The following ADARB2 variants were observed in gnomAD, a reference collection of about 807,000 sequenced individuals.
ADARB2 encodes inactive double-stranded RNA-specific editase B2.
A neutral mutation model predicts 62.2 loss-of-function variants in ADARB2; 25 were observed. The ratio of observed to expected loss-of-function variants is 0.40; its 90% confidence interval spans 0.29 to 0.56. The LOEUF (loss-of-function observed/expected upper bound fraction) is 0.56. ADARB2 is among the 20% of genes least tolerant of loss of function. The pLI, the probability that ADARB2 is intolerant of heterozygous loss-of-function variation, is 0.43. For missense variants in ADARB2, 1,071 were observed against 1,077.4 expected (o/e 0.99, Z 0.08); for synonymous variants, 572 against 500.8 (o/e 1.14, Z -1.90).
At chr10:1,648,991 G>A (rs368276454) in intron 1 of ADARB2, among the ~76,000 whole-genome samples, 2 of 152,160 alleles carry the variant, frequency 1.3e-5, no homozygotes, top group Admixed American at 6.5e-5. Context: ...CACAGTTTGC[G>A]GTGATAATAA....
chr10:1,682,902 C>T (rs116167724), intron 1 of ADARB2, among the ~76,000 whole-genome samples: 1,921 of 152,216 alleles, frequency 0.013, 42 homozygotes, highest in African/African-American at 0.044. Context: ...AGTGAGAGGC[C>T]GCAAAGCCCA....
intron 6 of ADARB2, among the ~76,000 whole-genome samples, chr10:1,226,726 A>T (rs887184274): frequency 6.6e-6 from 1 of 152,192 alleles, no homozygotes; most frequent in Non-Finnish European, 1.5e-5. Flanking sequence ...AGAACAGCAG[A>T]TATTGGTGAA....
At chr10:1,225,872 C>G (rs929667440) in intron 6 of ADARB2, among the ~76,000 whole-genome samples, 1 of 152,070 alleles carries the variant, frequency 6.6e-6, no homozygotes, top group African/African-American at 2.4e-5. Context: ...TTTGGTGAAT[C>G]TGACAATTAT....
At chr10:1,199,921 G>C in intron 8 of ADARB2, 45 bp downstream of exon 8, 2 of 1,467,148 alleles carry the variant, frequency 1.4e-6, no homozygotes, top group Non-Finnish European at 1.8e-6. Context: ...TGTCTGGCCT[G>C]GTGGTGGGAA....
chr10:1,321,808 C>G (rs2131827940), intron 3 of ADARB2, among the ~76,000 whole-genome samples: 1 of 152,268 alleles, frequency 6.6e-6, no homozygotes. Flanking sequence ...GCCCTGTACT[C>G]TAATGTAGAA....
intron 1 of ADARB2, among the ~76,000 whole-genome samples, chr10:1,591,731 G>C (rs1291919404): frequency 2.6e-5 from 4 of 152,110 alleles, no homozygotes; most frequent in Non-Finnish European, 5.9e-5. Context: ...GGACGAGGTG[G>C]CAGATTGTGT....
intron 1 of ADARB2, among the ~76,000 whole-genome samples, chr10:1,599,278 G>C (rs1415634588): frequency 1.3e-5 from 2 of 152,156 alleles, no homozygotes; most frequent in African/African-American, 4.8e-5. Context: ...CTATGACCAG[G>C]GACTGACCCA....
At chr10:1,540,287 G>A (rs1373459419) in intron 1 of ADARB2, among the ~76,000 whole-genome samples, 2 of 152,136 alleles carry the variant, frequency 1.3e-5, no homozygotes, top group South Asian at 2.1e-4. Flanking sequence ...GGTGGCCAAC[G>A]TGGTCAGGAG....
intron 1 of ADARB2, among the ~76,000 whole-genome samples, chr10:1,556,093 A>G (rs79113184): frequency 0.016 from 2,480 of 152,164 alleles, 68 homozygotes; most frequent in African/African-American, 0.055. Context: ...GAATCCTTCA[A>G]TTCCTCACAC....
intron 3 of ADARB2, among the ~76,000 whole-genome samples, chr10:1,315,258 C>G (rs1271071993): frequency 6.6e-6 from 1 of 152,180 alleles, no homozygotes; most frequent in Non-Finnish European, 1.5e-5. Context: ...CTGCAGGTGA[C>G]AGGGTGAGGG....
intron 7 of ADARB2, among the ~76,000 whole-genome samples, chr10:1,212,945 A>G (rs1028125404): frequency 6.6e-6 from 1 of 152,170 alleles, no homozygotes; most frequent in African/African-American, 2.4e-5. Flanking sequence ...GCAGAAGCAG[A>G]CAGTACCTGG....
intron 7 of ADARB2, among the ~76,000 whole-genome samples, chr10:1,200,608 AAAT>A (rs2131742439): frequency 6.6e-6 from 1 of 152,202 alleles, no homozygotes; most frequent in Admixed American, 6.5e-5. Flanking sequence ...TTACATTAAC[AAAT>A]GACCTTGTTT....
In ADARB2 at chr10:1,689,788, A is replaced by C. The variant is rs1413082061; in HGVS notation, c.100+47263T>G. On this transcript the variant is annotated intron_variant, in intron 1 of 9. Transcript: ENST00000381312. ...GTGCAAATATATGAGCCATTTGCTA[A>C]GATGGACTTGTTGGGCTAGAGATAC... Among the ~76,000 whole-genome samples the C allele has an allele frequency of 2.6e-5, 4 of 152,230 alleles. No homozygotes were observed. The East Asian group carries it at 7.7e-4, about 29-fold the overall frequency.
At chr10:1,206,062 C>T (rs1362412636) in intron 7 of ADARB2, among the ~76,000 whole-genome samples, 3 of 152,194 alleles carry the variant, frequency 2.0e-5, no homozygotes, top group African/African-American at 4.8e-5. Flanking sequence ...CAGCCGCTTC[C>T]GATTATTTTC....
intron 1 of ADARB2, among the ~76,000 whole-genome samples, chr10:1,567,960 C>G (rs1455836553): frequency 1.3e-5 from 2 of 152,230 alleles, no homozygotes; most frequent in African/African-American, 2.4e-5. Flanking sequence ...GTTGATGGCA[C>G]GGCATCACCC....
chr10:1,687,520 A>C (rs1834611886), intron 1 of ADARB2, among the ~76,000 whole-genome samples: 1 of 152,088 alleles, frequency 6.6e-6, no homozygotes, highest in African/African-American at 2.4e-5. Context: ...TCAGACTTAA[A>C]CTTTGGCACC....
chr10:1,225,773 G>C (rs1159449413), intron 6 of ADARB2, among the ~76,000 whole-genome samples: 1 of 151,618 alleles, frequency 6.6e-6, no homozygotes, highest in African/African-American at 2.4e-5. Context: ...TTTCTGCCGA[G>C]AGATCAGCTG....
intron 1 of ADARB2, among the ~76,000 whole-genome samples, chr10:1,681,163 C>T (rs1243172006): frequency 2.0e-5 from 3 of 152,150 alleles, no homozygotes; most frequent in Non-Finnish European, 4.4e-5. Flanking sequence ...CAGAAGCTAC[C>T]TCCGCCTGCA....
At chr10:1,468,195 C>A (rs980389081) in intron 1 of ADARB2, among the ~76,000 whole-genome samples, 3 of 151,980 alleles carry the variant, frequency 2.0e-5, no homozygotes, top group Non-Finnish European at 4.4e-5. Context: ...AAGAAAAATA[C>A]CTGAAAATGT....
Sources: allele counts gnomAD v4.1 joint callset (sites outside exome capture counted in the v4.1 genomes callset), GRCh38; gene constraint gnomAD v4.1.1; transcripts MANE v1.5; gene names NCBI Gene and HGNC (gene_info 2026-07-23, HGNC 2026-07-21).